Variants in ZFX observed in about 807,000 individuals in gnomAD.
ZFX encodes the protein zinc finger protein X-linked.
For synonymous variants in ZFX, 196 were observed against 226.8 expected (o/e 0.86, Z 1.22); for missense variants, 362 against 628.3 (o/e 0.58, Z 4.53).
At chrX:24,190,035 G>A (rs947368883) in intron 5 of ZFX, among the ~76,000 whole-genome samples, 1 of 111,933 alleles carries the variant, frequency 8.9e-6, no homozygotes, top group African/African-American at 3.2e-5. Flanking sequence ...AGGATATTTT[G>A]GAGAAGGTGT....
chrX:24,176,430 A>ATTTTTTTTTTTT (rs56241839), intron 4 of ZFX, among the ~76,000 whole-genome samples: 1 of 66,847 alleles, frequency 1.5e-5, no homozygotes, highest in Non-Finnish European at 2.7e-5. Flanking sequence ...TTGGCCTTTG[A>ATTTTTTTTTTTT]TTTTTTTTTT....
chrX:24,162,270 C>G (rs943235506), intron 3 of ZFX, among the ~76,000 whole-genome samples: 5 of 111,372 alleles, frequency 4.5e-5, no homozygotes, highest in African/African-American at 1.6e-4. Context: ...TTTAATTACT[C>G]TTATCAGTGG....
chrX:24,187,770 G>A (rs1936243343), intron 5 of ZFX, among the ~76,000 whole-genome samples: 1 of 111,618 alleles, frequency 9.0e-6, no homozygotes, highest in African/African-American at 3.3e-5. Context: ...AAACAGCAAA[G>A]TCCCTGGCTT....
Position 24,170,759 on chromosome X carries a change from C to T in ZFX, c.-28-1956C>T, listed in dbSNP as rs778969864. ...CTGAGTAGCTGGGATTACAGGCATG[C>T]GCCACCATACCCTGCTAATTTTTTT... On this transcript the variant is annotated intron_variant, in intron 3 of 9. Transcript: ENST00000304543. Among the ~76,000 whole-genome samples the T allele has an allele frequency of 3.7e-5, 4 of 108,625 alleles. No individual in the cohort carries two copies. The East Asian group carries it at 1.2e-3, about 31-fold the overall frequency. 94.3% of individuals were successfully genotyped at this position (108,625 alleles called of 115,157 possible).
intron 3 of ZFX, among the ~76,000 whole-genome samples, chrX:24,166,997 G>A (rs1031162448): frequency 1.8e-5 from 2 of 112,041 alleles, no homozygotes; most frequent in Non-Finnish European, 1.9e-5. Context: ...AGTACAGCCA[G>A]ATAATTAAAG....
chrX:24,195,218 G>A (rs931375750), intron 5 of ZFX, among the ~76,000 whole-genome samples: 10 of 109,947 alleles, frequency 9.1e-5, no homozygotes, highest in South Asian at 3.9e-4. Flanking sequence ...TTTTTGAGAC[G>A]GTGTCTCGTT....
intron 5 of ZFX, among the ~76,000 whole-genome samples, chrX:24,181,137 C>T (rs1192013629): frequency 8.9e-6 from 1 of 112,266 alleles, no homozygotes; most frequent in Non-Finnish European, 1.9e-5. Context: ...TGGAGTCCAC[C>T]AGCATTTTAG....
At chrX:24,171,788 G>A (rs1297627332) in intron 3 of ZFX, among the ~76,000 whole-genome samples, 2 of 110,412 alleles carry the variant, frequency 1.8e-5, no homozygotes, top group African/African-American at 6.6e-5. Context: ...GAGCTAAACA[G>A]CTGTCTCCCC....
chrX:24,173,333 A>G (rs368155529), intron 4 of ZFX, among the ~76,000 whole-genome samples: 7 of 110,236 alleles, frequency 6.4e-5, no homozygotes, highest in Admixed American at 5.8e-4. Flanking sequence ...TCATTTCTCT[A>G]TTCTCTAATA....
rs1324895452 is a variant in ZFX at position 24,213,760 on chromosome X, CTGTT to C, written c.*2386_*2389del. 6.9e-5 allele frequency: 7 copies of C among 101,635 alleles called. No individual in the cohort carries two copies. Among genetic ancestry groups the C allele is most frequent in the Non-Finnish European group, 6.0e-5 (3 of 49,759 alleles). 8.4% of individuals were successfully genotyped at this position (101,635 alleles called of 1,213,427 possible). A position where few individuals can be genotyped will look rare whatever the true frequency, so the allele number is the denominator to read the frequency against. ...GCCCTGCGATTCTTGAAAGCTCTGTCTGTTTTTTTGTGAGAACCTTTAAAATCTC... is the reference window on the plus strand; with the variant it reads ...GCCCTGCGATTCTTGAAAGCTCTGTCTTTTTGTGAGAACCTTTAAAATCTC... On this transcript the variant is annotated 3_prime_UTR_variant, in exon 10 of 10. Coordinates refer to ENST00000304543, the MANE Select transcript of ZFX (RefSeq NM_003410.4).
intron 3 of ZFX, among the ~76,000 whole-genome samples, chrX:24,172,263 C>T (rs1569136098): frequency 9.0e-6 from 1 of 111,625 alleles, no homozygotes; most frequent in Non-Finnish European, 1.9e-5. Flanking sequence ...AAAAATTTCC[C>T]CCAGTAAGCT....
chrX:24,155,033 TA>T (rs1932656900), intron 3 of ZFX, among the ~76,000 whole-genome samples: 1 of 110,492 alleles, frequency 9.1e-6, no homozygotes, highest in Admixed American at 9.8e-5. Flanking sequence ...GTACTGGGCT[TA>T]AATACCTGGG....
At chrX:24,204,525 C>G (rs766022170) in intron 5 of ZFX, among the ~76,000 whole-genome samples, 1 of 112,190 alleles carries the variant, frequency 8.9e-6, no homozygotes, top group East Asian at 2.8e-4. Context: ...TTATAGTGGT[C>G]AGAACCACCA....
intron 5 of ZFX, among the ~76,000 whole-genome samples, chrX:24,198,019 C>G: frequency 9.0e-6 from 1 of 111,106 alleles, no homozygotes; most frequent in East Asian, 2.8e-4. Context: ...AATGGAGAAA[C>G]TGATTTTAAA....
Position 24,212,398 on chromosome X carries a change from G to A in ZFX, c.*1022G>A, listed in dbSNP as rs1938156532. ...CATGAGAGAGCATTTTGTAAGTCAT[G>A]CTCTTCAGAGAGACTACTCAGGTGA... On this transcript the variant is annotated 3_prime_UTR_variant, in exon 10 of 10. Coordinates refer to ENST00000304543, the MANE Select transcript of ZFX (RefSeq NM_003410.4). The A allele has an allele frequency of 8.9e-6, 1 of 112,265 alleles. No individual in the cohort carries two copies. Among genetic ancestry groups the A allele is most frequent in the Admixed American group, 9.5e-5 (1 of 10,518 alleles). 9.3% of individuals were successfully genotyped at this position (112,265 alleles called of 1,213,427 possible). A position where few individuals can be genotyped will look rare whatever the true frequency, so the allele number is the denominator to read the frequency against.
intron 5 of ZFX, among the ~76,000 whole-genome samples, chrX:24,197,066 A>G (rs1341808734): frequency 8.9e-6 from 1 of 112,621 alleles, no homozygotes; most frequent in Non-Finnish European, 1.9e-5. Flanking sequence ...TCAAGTACTC[A>G]ATAGCTACAT....
At chrX:24,160,882 A>G (rs1292758477) in intron 3 of ZFX, among the ~76,000 whole-genome samples, 3 of 111,981 alleles carry the variant, frequency 2.7e-5, no homozygotes, top group African/African-American at 9.7e-5. Flanking sequence ...GATTTTTGAC[A>G]TGAATTGGTT....
intron 3 of ZFX, among the ~76,000 whole-genome samples, chrX:24,165,599 A>G (rs1933930080): frequency 8.9e-6 from 1 of 112,663 alleles, no homozygotes; most frequent in Non-Finnish European, 1.9e-5. Context: ...TGATACTTAA[A>G]CCTTTCTTCA....
At chrX:24,160,304 T>C (rs1933144777) in intron 3 of ZFX, among the ~76,000 whole-genome samples, 1 of 103,847 alleles carries the variant, frequency 9.6e-6, no homozygotes, top group Non-Finnish European at 2.0e-5. Context: ...AATGCTTTTT[T>C]TTTTTTTTTT....
Sources: allele counts gnomAD v4.1 joint callset (sites outside exome capture counted in the v4.1 genomes callset), GRCh38; gene constraint gnomAD v4.1.1; transcripts MANE v1.5; gene names NCBI Gene and HGNC (gene_info 2026-07-23, HGNC 2026-07-21).